GABRB2: variants seen among roughly 807,000 people sequenced by gnomAD.
The protein encoded by GABRB2 is gamma-aminobutyric acid type A receptor subunit beta2.
A neutral mutation model predicts 54.7 loss-of-function variants in GABRB2; 16 were observed. The observed-to-expected ratio is 0.29, with a 90% CI of 0.20 to 0.44. The LOEUF (loss-of-function observed/expected upper bound fraction) is 0.44. GABRB2 is among the 20% of genes least tolerant of loss of function. The pLI, the probability that GABRB2 is intolerant of heterozygous loss-of-function variation, is 1.00. For synonymous variants in GABRB2, 244 were observed against 233.8 expected, an observed-to-expected ratio of 1.04 and a Z score of -0.40; for missense variants, 355 against 644.0, an observed-to-expected ratio of 0.55 and a Z score of 4.86.
chr5:161,486,435 T>G (rs1026927220), intron 3 of GABRB2, among the ~76,000 whole-genome samples: 2 of 151,972 alleles, frequency 1.3e-5, no homozygotes, highest in Admixed American at 6.6e-5. Context: ...AAATGCGCAC[T>G]GTAAGGCACG....
At chr5:161,421,423 G>A (rs1187936862) in intron 4 of GABRB2, among the ~76,000 whole-genome samples, 2 of 152,176 alleles carry the variant, frequency 1.3e-5, no homozygotes, top group African/African-American at 2.4e-5. Flanking sequence ...CCTGGGACAC[G>A]CAGCATCAGT....
chr5:161,480,366 A>C (rs1758725742), intron 3 of GABRB2, among the ~76,000 whole-genome samples: 1 of 152,060 alleles, frequency 6.6e-6, no homozygotes. Context: ...TTTACACACA[A>C]ATACATAAAT....
intron 3 of GABRB2, among the ~76,000 whole-genome samples, chr5:161,543,496 C>T (rs1760882500): frequency 6.6e-6 from 1 of 151,968 alleles, no homozygotes; most frequent in South Asian, 2.1e-4. Flanking sequence ...TTGTGATGCT[C>T]TAAAGAGGGA....
chr5:161,331,442 G>A (rs1023119937), intron 7 of GABRB2, among the ~76,000 whole-genome samples: 5 of 152,138 alleles, frequency 3.3e-5, no homozygotes, highest in African/African-American at 4.8e-5. Context: ...AGAATATGGA[G>A]AGGACTCTAG....
intron 5 of GABRB2, among the ~76,000 whole-genome samples, chr5:161,346,454 T>C (rs971492424): frequency 2.6e-5 from 4 of 152,122 alleles, no homozygotes; most frequent in Non-Finnish European, 5.9e-5. Flanking sequence ...TGCACAAATG[T>C]GCAATAAAGT....
At chr5:161,458,535 G>A (rs1758028769) in intron 4 of GABRB2, among the ~76,000 whole-genome samples, 1 of 152,150 alleles carries the variant, frequency 6.6e-6, no homozygotes, top group African/African-American at 2.4e-5. Context: ...ACTGAACAAA[G>A]CAGAAAATAA....
chr5:161,408,838 G>A (rs1406708698), intron 5 of GABRB2, among the ~76,000 whole-genome samples: 1 of 151,880 alleles, frequency 6.6e-6, no homozygotes, highest in East Asian at 1.9e-4. Context: ...GAGAGTGAAT[G>A]AATGCCTAGG....
rs1000648243 is a variant in GABRB2, at chr5:161,290,416, C to T, written c.*3665G>A. The T allele has an allele frequency of 6.6e-6, 1 of 152,480 alleles. No homozygotes were observed. The highest frequency in any genetic ancestry group is 1.5e-5 in the Non-Finnish European group (1 of 68,000). The allele number at this position is 152,480 out of a possible 1,614,324, so 9.4% of individuals were successfully genotyped here. Reference sequence around the variant, plus strand: ...ACTTCTGATGTTCTGGGGTACAGTACTATTGTCGAGTTGAACTGTGCAATG... The same window carrying T: ...ACTTCTGATGTTCTGGGGTACAGTATTATTGTCGAGTTGAACTGTGCAATG... On this transcript the variant is annotated 3_prime_UTR_variant, in exon 10 of 10. Transcript: ENST00000393959.
chr5:161,330,177 G>C (rs960342563), intron 8 of GABRB2: 1 of 152,026 alleles, frequency 6.6e-6, no homozygotes, highest in Admixed American at 6.6e-5. Flanking sequence ...AAATAAACAG[G>C]GTTTATAGTT....
intron 3 of GABRB2, among the ~76,000 whole-genome samples, chr5:161,501,951 A>G (rs1223741499): frequency 6.8e-6 from 1 of 146,286 alleles, no homozygotes; most frequent in Non-Finnish European, 1.5e-5. Flanking sequence ...TAAAATATGT[A>G]AAGTAAATAT....
chr5:161,538,220 G>A (rs1760702949), intron 3 of GABRB2, among the ~76,000 whole-genome samples: 1 of 152,056 alleles, frequency 6.6e-6, no homozygotes, highest in Admixed American at 6.5e-5. Flanking sequence ...CAATACTTGT[G>A]GCATTCGCCC....
At chr5:161,366,974 T>C (rs1754990803) in intron 5 of GABRB2, among the ~76,000 whole-genome samples, 1 of 151,914 alleles carries the variant, frequency 6.6e-6, no homozygotes, top group African/African-American at 2.4e-5. Flanking sequence ...AAAAGACAAA[T>C]CAGTTAGTAT....
intron 9 of GABRB2, among the ~76,000 whole-genome samples, chr5:161,318,096 C>T (rs1758097718): frequency 6.6e-6 from 1 of 151,166 alleles, no homozygotes; most frequent in East Asian, 1.9e-4. Context: ...ATATTTTTGA[C>T]TATTATGTAA....
intron 5 of GABRB2, among the ~76,000 whole-genome samples, chr5:161,342,179 G>T (rs1479363376): frequency 2.0e-5 from 3 of 151,428 alleles, no homozygotes; most frequent in African/African-American, 4.8e-5. Flanking sequence ...ATGTTATTGC[G>T]ATAGTTCACA....
chr5:161,404,433 A>G (rs890850862), intron 5 of GABRB2, among the ~76,000 whole-genome samples: 9 of 151,954 alleles, frequency 5.9e-5, no homozygotes, highest in Admixed American at 3.9e-4. Flanking sequence ...CTCAAAGATC[A>G]CCTAAAATAT....
At chr5:161,422,216 A>T (rs981405263) in intron 4 of GABRB2, among the ~76,000 whole-genome samples, 1 of 152,150 alleles carries the variant, frequency 6.6e-6, no homozygotes, top group Non-Finnish European at 1.5e-5. Flanking sequence ...GATGTTAAAC[A>T]CAACTTTATT....
At chr5:161,472,252 T>G (rs1758462499) in intron 3 of GABRB2, among the ~76,000 whole-genome samples, 1 of 151,948 alleles carries the variant, frequency 6.6e-6, no homozygotes, top group Admixed American at 6.6e-5. Context: ...AATAATTTTC[T>G]AAGACCTGCC....
At chr5:161,367,473 GT>G (rs1314597220) in intron 5 of GABRB2, among the ~76,000 whole-genome samples, 1 of 151,032 alleles carries the variant, frequency 6.6e-6, no homozygotes, top group Non-Finnish European at 1.5e-5. Context: ...TATATTTTTC[GT>G]TTGCTTAACT....
intron 3 of GABRB2, among the ~76,000 whole-genome samples, chr5:161,533,227 C>T (rs1217783394): frequency 1.3e-5 from 2 of 152,108 alleles, no homozygotes; most frequent in Admixed American, 6.6e-5. Flanking sequence ...CTATATTTTT[C>T]TATATAAATC....
Sources: allele counts gnomAD v4.1 joint callset (sites outside exome capture counted in the v4.1 genomes callset), GRCh38; gene constraint gnomAD v4.1.1; transcripts MANE v1.5; gene names NCBI Gene and HGNC (gene_info 2026-07-23, HGNC 2026-07-21).